The following UNC13B variants were observed in gnomAD, a reference collection of about 807,000 sequenced individuals.
The protein encoded by UNC13B is protein unc-13 homolog B.
In UNC13B, 144 loss-of-function variants were observed where a neutral mutation model predicts 211.0. The observed-to-expected ratio is 0.68, with a 90% confidence interval of 0.60 to 0.78. UNC13B has a LOEUF of 0.78. UNC13B is among the 30% of genes least tolerant of loss of function. UNC13B has a pLI of 0.00. For synonymous variants in UNC13B, 709 were observed against 725.8 expected, an observed-to-expected ratio of 0.98 and a Z score of 0.37; for missense variants, 1,777 against 2,002.0, an observed-to-expected ratio of 0.89 and a Z score of 2.14.
intron 13 of UNC13B, among the ~76,000 whole-genome samples, chr9:35,371,745 C>A (rs1160331996): frequency 2.0e-5 from 3 of 152,108 alleles, no homozygotes; most frequent in African/African-American, 7.2e-5. Flanking sequence ...AGAGTAGGTG[C>A]TCTAGGCTTT....
intron 6 of UNC13B, among the ~76,000 whole-genome samples, chr9:35,254,967 AT>A (rs1371651272): frequency 8.2e-6 from 1 of 121,826 alleles, no homozygotes; most frequent in Non-Finnish European, 1.6e-5. Context: ...ATAATATATT[AT>A]ATTATATATT....
chr9:35,169,946 T>G (rs927328891), intron 1 of UNC13B, among the ~76,000 whole-genome samples: 1 of 152,214 alleles, frequency 6.6e-6, no homozygotes, highest in African/African-American at 2.4e-5. Context: ...TCTCTGTGCA[T>G]GTTTATGACA....
intron 1 of UNC13B, among the ~76,000 whole-genome samples, chr9:35,208,115 G>A (rs1823765593): frequency 6.6e-6 from 1 of 152,156 alleles, no homozygotes; most frequent in East Asian, 1.9e-4. Context: ...GGATAAAAGA[G>A]CGTGTTACTT....
At position 35,162,196 on chromosome 9, in the gene UNC13B, A is replaced by G; in HGVS notation, c.-88A>G. 1 of 1,530,992 alleles carries G rather than the reference A, an allele frequency of 6.5e-7. No homozygotes were observed. Among genetic ancestry groups the G allele is most frequent in the Non-Finnish European group, 8.8e-7 (1 of 1,138,816 alleles). 94.8% of individuals were successfully genotyped at this position (1,530,992 alleles called of 1,614,324 possible). ...AGCTGCCAGACCCGTGGGGCCGGTA[A>G]CGAGAGCAGTCGCGGCACCTGCTGA... On this transcript the variant is annotated 5_prime_UTR_variant, in exon 1 of 40. Coordinates refer to ENST00000635942, the MANE Select transcript of UNC13B (RefSeq NM_001371189.2).
intron 11 of UNC13B, chr9:35,360,998 A>G (rs575618244): frequency 6.6e-6 from 1 of 152,354 alleles, no homozygotes; most frequent in South Asian, 2.1e-4. Flanking sequence ...ATAGGTTCTT[A>G]AGAAATGAAT....
chr9:35,313,515 T>C (rs1830287947), intron 10 of UNC13B, among the ~76,000 whole-genome samples: 1 of 151,722 alleles, frequency 6.6e-6, no homozygotes, highest in Non-Finnish European at 1.5e-5. Flanking sequence ...GTCCCAGCTA[T>C]TTGGAAGGCT....
At chr9:35,258,205 T>C (rs536434348) in intron 6 of UNC13B, among the ~76,000 whole-genome samples, 90 of 152,334 alleles carry the variant, frequency 5.9e-4, no homozygotes, top group Admixed American at 5.8e-3. Flanking sequence ...CCAAATCTCA[T>C]GTTTGCAAGT....
At chr9:35,173,258 T>A (rs1037221509) in intron 1 of UNC13B, among the ~76,000 whole-genome samples, 2 of 152,094 alleles carry the variant, frequency 1.3e-5, no homozygotes, top group South Asian at 4.1e-4. Flanking sequence ...AGACTTTGTC[T>A]GCAAAAGGAT....
rs551806236 is a variant in UNC13B, at chr9:35,180,585, A to G, written c.22+18280A>G. On this transcript the variant is annotated intron_variant, in intron 1 of 39. Coordinates refer to ENST00000635942, the MANE Select transcript of UNC13B (RefSeq NM_001371189.2). Reference sequence around the variant, plus strand: ...TGCAGGGAGAGGGCTGTGGACTTCAAAAATTATGGGCTTTTGAATCTGTTT... The same window carrying G: ...TGCAGGGAGAGGGCTGTGGACTTCAGAAATTATGGGCTTTTGAATCTGTTT... 1.8e-4 allele frequency among the ~76,000 whole-genome samples: 28 copies of G among 152,246 alleles called. 1 individual carries two copies. In the South Asian group the frequency reaches 5.0e-3, roughly 27 times the overall value.
At chr9:35,243,448 A>G in intron 6 of UNC13B, 84 bp downstream of exon 6, 2 of 1,383,016 alleles carry the variant, frequency 1.4e-6, no homozygotes, top group South Asian at 1.2e-5. Context: ...GGGGCCCAAG[A>G]GCATGTTGTC....
chr9:35,189,365 T>A (rs971040650), intron 1 of UNC13B, among the ~76,000 whole-genome samples: 5 of 152,204 alleles, frequency 3.3e-5, no homozygotes, highest in African/African-American at 1.2e-4. Flanking sequence ...CTCTTCAGCA[T>A]CTAACTTTCA....
rs775079813 is a variant in UNC13B, at chr9:35,231,186, G to A, written c.119G>A (p.Gly40Asp). The change falls in exon 3 of 40, where the codon GGT becomes GAT. Residue 40 changes from glycine to aspartate, a missense_variant. Coordinates refer to ENST00000635942, the MANE Select transcript of UNC13B (RefSeq NM_001371189.2). ...NVKSTTVAVR[G>D]DQPSWEQDFM... is the part of the protein sequence containing the mutation. ...AAGAGCACAACTGTAGCAGTTCGTGGTGATCAGCCTTCCTGGGAACAGGAT... is the reference window on the plus strand; with the variant it reads ...AAGAGCACAACTGTAGCAGTTCGTGATGATCAGCCTTCCTGGGAACAGGAT... 4 of 1,613,292 alleles carry A rather than the reference G, an allele frequency of 2.5e-6. No homozygotes were observed. In the Admixed American group the frequency reaches 5.0e-5, roughly 20 times the overall value.
chr9:35,189,383 C>T (rs909661792), intron 1 of UNC13B, among the ~76,000 whole-genome samples: 15 of 152,180 alleles, frequency 9.9e-5, no homozygotes, highest in South Asian at 6.2e-4. Context: ...TCACGTGTCC[C>T]AGGCCTTACC....
intron 1 of UNC13B, chr9:35,227,762 G>T: frequency 2.5e-6 from 1 of 392,454 alleles, no homozygotes; most frequent in East Asian, 4.1e-5. Flanking sequence ...GAGTAACTTA[G>T]ATCTCTCCAC....
intron 11 of UNC13B, among the ~76,000 whole-genome samples, chr9:35,345,356 G>A (rs944492122): frequency 2.6e-5 from 4 of 152,138 alleles, no homozygotes; most frequent in African/African-American, 9.7e-5. Context: ...TCAGTGGACG[G>A]AAATTACTAA....
chr9:35,243,434 G>A, intron 6 of UNC13B, 70 bp downstream of exon 6: 1 of 1,503,382 alleles, frequency 6.7e-7, no homozygotes, highest in Non-Finnish European at 9.2e-7. Context: ...AGGTTGCCCA[G>A]GGAGGGGCCC....
At chr9:35,249,564 C>A (rs1194985080) in intron 6 of UNC13B, among the ~76,000 whole-genome samples, 1 of 152,170 alleles carries the variant, frequency 6.6e-6, no homozygotes, top group African/African-American at 2.4e-5. Flanking sequence ...GTGACAAAAT[C>A]TCTCAGCATT....
rs543213933 is a variant in UNC13B, at chr9:35,357,774, G to T, written c.9415-9173G>T. Reference sequence around the variant, plus strand: ...TGGTAAAATATACATAACATAAAATGTGTTATTTAAACCATGTTTTTTCTG... The same window carrying T: ...TGGTAAAATATACATAACATAAAATTTGTTATTTAAACCATGTTTTTTCTG... On this transcript the variant is annotated intron_variant, in intron 11 of 39. Transcript: ENST00000635942. Among the ~76,000 whole-genome samples, 47 of 152,068 alleles carry T rather than the reference G, an allele frequency of 3.1e-4. No individual in the cohort carries two copies. In the Middle Eastern group the frequency reaches 0.014, roughly 44 times the overall value.
At chr9:35,197,772 C>T (rs1005627060) in intron 1 of UNC13B, among the ~76,000 whole-genome samples, 1 of 152,118 alleles carries the variant, frequency 6.6e-6, no homozygotes, top group Admixed American at 6.6e-5. Context: ...TTCTCTCCCT[C>T]CTGCTCCAAC....
Sources: allele counts gnomAD v4.1 joint callset (sites outside exome capture counted in the v4.1 genomes callset), GRCh38; gene constraint gnomAD v4.1.1; transcripts MANE v1.5; gene names NCBI Gene and HGNC (gene_info 2026-07-23, HGNC 2026-07-21).